Variants in STAG1 observed in about 807,000 individuals in gnomAD.
STAG1 encodes the protein STAG1 cohesin complex component.
A neutral mutation model predicts 170.9 loss-of-function variants in STAG1; 26 were observed. The observed-to-expected ratio is 0.15, with a 90% CI of 0.11 to 0.21. STAG1 has a LOEUF of 0.21. STAG1 is among the 10% of genes least tolerant of loss of function. The pLI is 1.00. For missense variants in STAG1, 964 were observed against 1,509.5 expected, an observed-to-expected ratio of 0.64 and a Z score of 5.99; for synonymous variants, 514 against 497.7, an observed-to-expected ratio of 1.03 and a Z score of -0.44.
At chr3:136,506,622 T>C (rs1208197221) in intron 7 of STAG1, among the ~76,000 whole-genome samples, 6 of 126,342 alleles carry the variant, frequency 4.7e-5, no homozygotes, top group African/African-American at 1.6e-4. Flanking sequence ...CTCCAGCCTG[T>C]GAGACACAGC....
intron 1 of STAG1, among the ~76,000 whole-genome samples, chr3:136,686,367 C>T (rs1208018545): frequency 6.6e-6 from 1 of 152,208 alleles, no homozygotes; most frequent in Non-Finnish European, 1.5e-5. Flanking sequence ...TCTGGTCCCA[C>T]ATCAGGGAGA....
intron 4 of STAG1, among the ~76,000 whole-genome samples, chr3:136,581,693 G>C (rs2107779725): frequency 6.6e-6 from 1 of 152,010 alleles, no homozygotes; most frequent in East Asian, 1.9e-4. Context: ...AATTATATGG[G>C]CATCAAGATT....
At chr3:136,701,615 T>C (rs1943064973) in intron 1 of STAG1, among the ~76,000 whole-genome samples, 2 of 152,204 alleles carry the variant, frequency 1.3e-5, no homozygotes, top group Admixed American at 1.3e-4. Context: ...TGAATCTCTC[T>C]GAGCATCAAT....
At chr3:136,524,525 A>G (rs1017620273) in intron 6 of STAG1, among the ~76,000 whole-genome samples, 1 of 152,170 alleles carries the variant, frequency 6.6e-6, no homozygotes, top group South Asian at 2.1e-4. Context: ...TAAATATACA[A>G]TCCTGTCATC....
chr3:136,606,966 G>A (rs978132732), intron 3 of STAG1, among the ~76,000 whole-genome samples: 3 of 151,924 alleles, frequency 2.0e-5, no homozygotes, highest in African/African-American at 7.3e-5. Context: ...TAGGCAGGAT[G>A]GTCTTGATCT....
At chr3:136,580,550 G>A (rs1168397081) in intron 4 of STAG1, among the ~76,000 whole-genome samples, 72 of 127,002 alleles carry the variant, frequency 5.7e-4, no homozygotes, top group African/African-American at 2.1e-3. Context: ...TTTTTGAGAC[G>A]GAGTCTCGCT....
intron 1 of STAG1, among the ~76,000 whole-genome samples, chr3:136,732,535 A>T (rs1037626347): frequency 6.6e-6 from 1 of 152,240 alleles, no homozygotes; most frequent in African/African-American, 2.4e-5. Context: ...TATGTTTACT[A>T]AAAAGCAGAA....
intron 15 of STAG1, among the ~76,000 whole-genome samples, chr3:136,435,222 T>A (rs1272264690): frequency 6.6e-6 from 1 of 152,236 alleles, no homozygotes; most frequent in African/African-American, 2.4e-5. Context: ...ATTAAGAATT[T>A]TCTATATCTA....
intron 21 of STAG1, among the ~76,000 whole-genome samples, chr3:136,409,155 T>C (rs1402892092): frequency 6.6e-6 from 1 of 151,964 alleles, no homozygotes; most frequent in Non-Finnish European, 1.5e-5. Flanking sequence ...TTCCAGCTAC[T>C]CGGGAGGCAG....
chr3:136,407,145 G>C (rs2087507218), intron 21 of STAG1, among the ~76,000 whole-genome samples: 1 of 152,128 alleles, frequency 6.6e-6, no homozygotes, highest in Non-Finnish European at 1.5e-5. Flanking sequence ...TCCTGCCTCA[G>C]CCTCCTGAGT....
chr3:136,673,904 G>A (rs1942048811), intron 1 of STAG1, among the ~76,000 whole-genome samples: 1 of 151,514 alleles, frequency 6.6e-6, no homozygotes, highest in Non-Finnish European at 1.5e-5. Context: ...TGAATTCAAG[G>A]CCAGCCTGGG....
intron 1 of STAG1, among the ~76,000 whole-genome samples, chr3:136,726,256 C>A (rs145527544): frequency 2.4e-3 from 359 of 152,302 alleles, no homozygotes; most frequent in Non-Finnish European, 3.8e-3. Flanking sequence ...ACCATCATCC[C>A]CAGGTCTCTA....
chr3:136,508,731 C>T (rs1235253591), intron 7 of STAG1, among the ~76,000 whole-genome samples: 1 of 152,228 alleles, frequency 6.6e-6, no homozygotes, highest in Non-Finnish European at 1.5e-5. Context: ...TTCTAGCCTG[C>T]TCCACAGATC....
intron 7 of STAG1, among the ~76,000 whole-genome samples, chr3:136,520,865 C>T (rs1251781155): frequency 5.3e-5 from 8 of 151,918 alleles, no homozygotes; most frequent in African/African-American, 9.7e-5. Context: ...TGTAATTATG[C>T]GATGAAAAAA....
intron 12 of STAG1, among the ~76,000 whole-genome samples, chr3:136,469,573 A>G (rs1338856183): frequency 6.6e-6 from 1 of 152,240 alleles, no homozygotes; most frequent in Non-Finnish European, 1.5e-5. Flanking sequence ...GGTAATTTAT[A>G]GATTCAATGC....
chr3:136,710,642 C>T (rs1471512843), intron 1 of STAG1, among the ~76,000 whole-genome samples: 2 of 151,844 alleles, frequency 1.3e-5, no homozygotes, highest in African/African-American at 2.4e-5. Context: ...AACCATCGAG[C>T]GAAGAAACTA....
intron 23 of STAG1, among the ~76,000 whole-genome samples, chr3:136,377,167 A>C (rs1378476903): frequency 1.3e-5 from 2 of 148,530 alleles, no homozygotes; most frequent in African/African-American, 2.4e-5. Context: ...TGGGAGGCTG[A>C]GGCGGGCTGA....
At chr3:136,424,258 T>C (rs1395153378) in intron 16 of STAG1, among the ~76,000 whole-genome samples, 2 of 152,146 alleles carry the variant, frequency 1.3e-5, no homozygotes, top group African/African-American at 4.8e-5. Flanking sequence ...AGTCTTGAAA[T>C]TCATTTGACA....
At chr3:136,610,178 A>G (rs1427480282) in intron 3 of STAG1, among the ~76,000 whole-genome samples, 1 of 152,076 alleles carries the variant, frequency 6.6e-6, no homozygotes, top group African/African-American at 2.4e-5. Context: ...CTGGGACTAC[A>G]GGTGCCCGCC....
Sources: gnomAD v4.1 joint callset for allele counts (sites outside exome capture counted in the v4.1 genomes callset) on GRCh38, gnomAD v4.1.1 for gene constraint, MANE v1.5 for transcripts, NCBI Gene and HGNC (gene_info 2026-07-23, HGNC 2026-07-21) for gene names.